GALNT18: variants seen among roughly 807,000 people sequenced by gnomAD.
The protein encoded by GALNT18 is polypeptide N-acetylgalactosaminyltransferase 18.
In GALNT18, 44 loss-of-function variants were observed where a neutral mutation model predicts 69.5. The ratio of observed to expected loss-of-function variants is 0.63; its 90% CI spans 0.50 to 0.81. GALNT18 has a LOEUF of 0.81. Among genes scored for constraint, GALNT18 ranks in the 40% least tolerant of loss-of-function variants. The pLI is 0.00. For synonymous variants in GALNT18, 364 were observed against 318.2 expected, an observed-to-expected ratio of 1.14 and a Z score of -1.53; for missense variants, 715 against 810.0, an observed-to-expected ratio of 0.88 and a Z score of 1.42.
chr11:11,371,500 G>T (rs1850903206), intron 6 of GALNT18, among the ~76,000 whole-genome samples: 2 of 152,198 alleles, frequency 1.3e-5, no homozygotes, highest in Admixed American at 1.3e-4. Flanking sequence ...TGAATAGGCT[G>T]GCAGTGAGGT....
intron 8 of GALNT18, among the ~76,000 whole-genome samples, chr11:11,328,402 T>A (rs1220434795): frequency 6.6e-6 from 1 of 152,140 alleles, no homozygotes; most frequent in African/African-American, 2.4e-5. Context: ...ACAGGGAGGC[T>A]ATCTATCTGC....
intron 1 of GALNT18, among the ~76,000 whole-genome samples, chr11:11,558,894 C>T (rs574339414): frequency 1.3e-5 from 2 of 152,316 alleles, no homozygotes; most frequent in East Asian, 3.9e-4. Context: ...AAGGGCAGCA[C>T]CACTTCTCAC....
Position 11,571,539 on chromosome 11 carries a change from T to C in GALNT18, c.235+49820A>G, listed in dbSNP as rs573851411. Among the ~76,000 whole-genome samples the C allele has an allele frequency of 2.4e-4, 37 of 152,326 alleles. No homozygotes were observed. The South Asian group carries it at 6.0e-3, about 25-fold the overall frequency. On this transcript the variant is annotated intron_variant, in intron 1 of 10. Coordinates refer to ENST00000227756, the MANE Select transcript of GALNT18 (RefSeq NM_198516.3). ...TTCCCAGTGAACACCAGCTTTCTGG[T>C]GGGACATGCCTCTTCCTGGGCAGTG...
intron 1 of GALNT18, among the ~76,000 whole-genome samples, chr11:11,589,586 G>GT (rs79427005): frequency 0.012 from 1,712 of 148,790 alleles, 22 homozygotes; most frequent in African/African-American, 0.035. Context: ...AGTTTTAGGG[G>GT]TTTTTTTTTT....
intron 3 of GALNT18, among the ~76,000 whole-genome samples, 195 bp from the exon 4 acceptor site, chr11:11,379,459 T>A (rs998579419): frequency 1.3e-5 from 2 of 152,204 alleles, no homozygotes; most frequent in African/African-American, 4.8e-5. Context: ...GGGGAATATT[T>A]CCTGTATTTT....
chr11:11,352,283 C>G, intron 6 of GALNT18: 1 of 1,614,104 alleles, frequency 6.2e-7, no homozygotes, highest in South Asian at 1.1e-5. Flanking sequence ...GTTCCCATCG[C>G]TTTCGAGAGT....
rs1410172050 is a variant in GALNT18, at chr11:11,541,641, C to T, written c.235+79718G>A. Reference sequence around the variant, plus strand: ...GCATCTCTGCCTTCAGATCTGATATCCAAGGCTCCCTCTCAAGGGCCTCAT... The same window carrying T: ...GCATCTCTGCCTTCAGATCTGATATTCAAGGCTCCCTCTCAAGGGCCTCAT... On this transcript the variant is annotated intron_variant, in intron 1 of 10. Coordinates refer to ENST00000227756, the MANE Select transcript of GALNT18 (RefSeq NM_198516.3). The surrounding 1 kb of genome is among the most constrained non-coding windows in gnomAD (Gnocchi z 4.8). 6.6e-6 allele frequency among the ~76,000 whole-genome samples: 1 copy of T among 152,160 alleles called. No individual in the cohort carries two copies. The highest frequency in any genetic ancestry group is 1.5e-5 in the Non-Finnish European group (1 of 68,032).
Position 11,469,340 on chromosome 11 carries a change from A to T in GALNT18, c.236-20404T>A, listed in dbSNP as rs1856223186. Among the ~76,000 whole-genome samples the T allele has an allele frequency of 6.6e-6, 1 of 152,216 alleles. No homozygotes were observed. The highest frequency in any genetic ancestry group is 6.5e-5 in the Admixed American group (1 of 15,282). On this transcript the variant is annotated intron_variant, in intron 1 of 10. Transcript: ENST00000227756. The surrounding 1 kb of genome is among the most constrained non-coding windows in gnomAD (Gnocchi z 4.2). ...CAGCGCTGAAAGCCTGCCCCTCATT[A>T]TAAGCACTTCCAAGCTTCACAGCAA...
At chr11:11,349,219 T>A (rs1421472571) in intron 6 of GALNT18, among the ~76,000 whole-genome samples, 1 of 152,200 alleles carries the variant, frequency 6.6e-6, no homozygotes, top group Non-Finnish European at 1.5e-5. Flanking sequence ...TGGTCGACAG[T>A]CTTGTTTCCG....
At chr11:11,495,945 C>A (rs1856859067) in intron 1 of GALNT18, among the ~76,000 whole-genome samples, 2 of 152,206 alleles carry the variant, frequency 1.3e-5, no homozygotes, top group Admixed American at 1.3e-4. Flanking sequence ...ATGCACCAGA[C>A]CCTTTGCAAA....
intron 1 of GALNT18, among the ~76,000 whole-genome samples, chr11:11,518,915 G>A (rs748376564): frequency 4.6e-5 from 7 of 152,210 alleles, no homozygotes; most frequent in Non-Finnish European, 1.0e-4. Context: ...TGCCAGCACT[G>A]CCAGGCTTCT....
At chr11:11,273,324 A>T (rs185871262) in intron 10 of GALNT18, among the ~76,000 whole-genome samples, 3 of 152,256 alleles carry the variant, frequency 2.0e-5, no homozygotes, top group Admixed American at 2.0e-4. Flanking sequence ...AATAACCAAG[A>T]TACATAAGAA....
chr11:11,463,333 A>G lies in GALNT18; in HGVS notation c.236-14397T>C, dbSNP rs922604985. ...GTTGCTCACTGCTTATAGCAAGAGC[A>G]TTAAAAATGTGTCATTTCAAAGATG... On this transcript the variant is annotated intron_variant, in intron 1 of 10. Coordinates refer to ENST00000227756, the MANE Select transcript of GALNT18 (RefSeq NM_198516.3). The surrounding 1 kb of genome is among the most constrained non-coding windows in gnomAD (Gnocchi z 4.2). Among the ~76,000 whole-genome samples, 2 of 152,232 alleles carry G rather than the reference A, an allele frequency of 1.3e-5. No individual in the cohort carries two copies. The highest frequency in any genetic ancestry group is 2.9e-5 in the Non-Finnish European group (2 of 68,042).
At chr11:11,287,152 G>A (rs1274358059) in intron 10 of GALNT18, among the ~76,000 whole-genome samples, 1 of 152,160 alleles carries the variant, frequency 6.6e-6, no homozygotes, top group East Asian at 1.9e-4. Context: ...CTTGCACAAG[G>A]CAGCCCTTCA....
Position 11,377,395 on chromosome 11 carries a change from A to G in GALNT18, c.780-16T>C, listed in dbSNP as rs1467455815. On this transcript the variant is annotated splice_polypyrimidine_tract_variant and intron_variant, in intron 4 of 10. Transcript: ENST00000227756. This position sits in a 1 kb window ranked among gnomAD's most constrained non-coding sequence, Gnocchi z 4.6. ...AGGTTCAGCCCTGGGCAGAGAGGAGACAGCCAGAGAGGGTAACCATTTCCA... is the reference window on the plus strand; with the variant it reads ...AGGTTCAGCCCTGGGCAGAGAGGAGGCAGCCAGAGAGGGTAACCATTTCCA... The G allele has an allele frequency of 4.3e-6, 7 of 1,612,518 alleles. No individual in the cohort carries two copies. The South Asian group carries it at 7.7e-5, about 18-fold the overall frequency.
At chr11:11,579,806 C>T (rs958146566) in intron 1 of GALNT18, among the ~76,000 whole-genome samples, 18 of 152,188 alleles carry the variant, frequency 1.2e-4, no homozygotes, top group African/African-American at 4.3e-4. Flanking sequence ...AGCTAATTTC[C>T]ACATTTTCAC....
chr11:11,464,306 C>G lies in GALNT18; in HGVS notation c.236-15370G>C, dbSNP rs375001260. Among the ~76,000 whole-genome samples the G allele has an allele frequency of 2.0e-5, 3 of 152,324 alleles. No individual in the cohort carries two copies. The East Asian group carries it at 5.8e-4, about 29-fold the overall frequency. ...TCTTGAGAGGCCAAGCCAGCCTTCCCGGGAGACTCGAGGTCTCCTAGGCTC... is the reference window on the plus strand; with the variant it reads ...TCTTGAGAGGCCAAGCCAGCCTTCCGGGGAGACTCGAGGTCTCCTAGGCTC... On this transcript the variant is annotated intron_variant, in intron 1 of 10. Coordinates refer to ENST00000227756, the MANE Select transcript of GALNT18 (RefSeq NM_198516.3).
rs756126938 is a variant in GALNT18, at chr11:11,546,867, A to T, written c.235+74492T>A. ...TGGGTGTGTGGGTGGGCAGATGAGTAAGTGGGTGGGAGATGTGTATGGATG... is the reference window on the plus strand; with the variant it reads ...TGGGTGTGTGGGTGGGCAGATGAGTTAGTGGGTGGGAGATGTGTATGGATG... On this transcript the variant is annotated intron_variant, in intron 1 of 10. Transcript: ENST00000227756. The surrounding 1 kb of genome is among the most constrained non-coding windows in gnomAD (Gnocchi z 5.8). Among the ~76,000 whole-genome samples the T allele has an allele frequency of 3.3e-5, 5 of 151,728 alleles. No individual in the cohort carries two copies. Among genetic ancestry groups the T allele is most frequent in the African/African-American group, 1.2e-4 (5 of 41,314 alleles).
At chr11:11,557,440 C>A (rs1590097224) in intron 1 of GALNT18, among the ~76,000 whole-genome samples, 2 of 152,244 alleles carry the variant, frequency 1.3e-5, no homozygotes, top group Admixed American at 1.3e-4. Flanking sequence ...CTGGGTCCTG[C>A]CTATGGAAGA....
Sources: gnomAD v4.1 joint callset for allele counts (sites outside exome capture counted in the v4.1 genomes callset) on GRCh38, gnomAD v4.1.1 for gene constraint, Gnocchi (gnomAD v3.1) non-coding constraint, MANE v1.5 for transcripts, NCBI Gene and HGNC (gene_info 2026-07-23, HGNC 2026-07-21) for gene names.